Variants in PKD1L3 observed in about 807,000 individuals in gnomAD.
PKD1L3 encodes polycystin-1-like protein 3.
In PKD1L3, 239 loss-of-function variants were observed where a neutral mutation model predicts 184.1. That is an observed-to-expected ratio of 1.30 (90% CI 1.17 to 1.45). PKD1L3 has a LOEUF of 1.45. Ranked by LOEUF, PKD1L3 falls within the 40% of genes most tolerant of loss-of-function variation. The pLI is 0.00. For missense variants in PKD1L3, 2,660 were observed against 2,067.2 expected, an observed-to-expected ratio of 1.29 and a Z score of -5.56; for synonymous variants, 996 against 778.8, an observed-to-expected ratio of 1.28 and a Z score of -4.64.
At chr16:71,968,282 C>T (rs962524088) in intron 13 of PKD1L3, among the ~76,000 whole-genome samples, 1 of 151,612 alleles carries the variant, frequency 6.6e-6, no homozygotes, top group Non-Finnish European at 1.5e-5. Context: ...CACCTCCTTC[C>T]CACTTAGGTA....
intron 15 of PKD1L3, among the ~76,000 whole-genome samples, chr16:71,964,284 C>T (rs1030179399): frequency 5.2e-5 from 7 of 135,242 alleles, no homozygotes; most frequent in African/African-American, 1.9e-4. Context: ...TGTCATGAAA[C>T]CACTTAAATT....
At chr16:71,945,313 C>T (rs2038545997) in intron 22 of PKD1L3, among the ~76,000 whole-genome samples, 3 of 48,048 alleles carry the variant, frequency 6.2e-5, no homozygotes, top group Non-Finnish European at 8.4e-5. Context: ...TATACACACA[C>T]ACACACACAT....
Position 71,977,324 on chromosome 16 carries a change from C to G in PKD1L3, c.1671G>C (p.Met557Ile). 6.5e-7 allele frequency: 1 copy of G among 1,546,026 alleles called. No homozygotes were observed. The highest frequency in any genetic ancestry group is 8.8e-7 in the Non-Finnish European group (1 of 1,141,900). The change falls in exon 11 of 30, where the codon ATG becomes ATC. Residue 557 changes from methionine to isoleucine, a missense_variant. Transcript: ENST00000620267. ...VSIDPDSPLL[M>I]TLYLGFQYQP... Reference sequence around the variant, plus strand: ...GATACTGGAACCCCAGGTAGAGTGTCATTAAAAGGGGACTGTCAGGATCTA... The same window carrying G: ...GATACTGGAACCCCAGGTAGAGTGTGATTAAAAGGGGACTGTCAGGATCTA...
intron 5 of PKD1L3, among the ~76,000 whole-genome samples, chr16:71,986,002 A>G (rs948952846): frequency 2.0e-5 from 3 of 152,234 alleles, no homozygotes; most frequent in Non-Finnish European, 4.4e-5. Context: ...GAAGCATTAA[A>G]TAGAATAGCA....
intron 7 of PKD1L3, among the ~76,000 whole-genome samples, 168 bp from the exon 8 acceptor site, chr16:71,980,302 TA>T (rs931811494): frequency 1.3e-5 from 2 of 152,192 alleles, no homozygotes; most frequent in Non-Finnish European, 2.9e-5. Context: ...GCAACCTGGC[TA>T]AAGACTTAGC....
intron 15 of PKD1L3, among the ~76,000 whole-genome samples, chr16:71,966,789 G>A (rs2039517174): frequency 6.6e-6 from 1 of 152,122 alleles, no homozygotes. Context: ...GTTTACTAAA[G>A]TTAGTCTTTA....
At chr16:71,983,663 C>CTTTTTTTTTTTTTTTT (rs1180950058) in intron 6 of PKD1L3, among the ~76,000 whole-genome samples, 2 of 100,336 alleles carry the variant, frequency 2.0e-5, no homozygotes, top group African/African-American at 3.9e-5. Context: ...GATTCTCTTT[C>CTTTTTTTTTTTTTTTT]TTTTTTTTTT....
Position 71,964,849 on chromosome 16 carries a change from A to ATTT in PKD1L3, c.2466-1501_2466-1499dup, listed in dbSNP as rs35311851. Among the ~76,000 whole-genome samples the ATTT allele has an allele frequency of 4.6e-4, 63 of 137,624 alleles. 1 individual carries two copies. Among genetic ancestry groups the ATTT allele is most frequent in the African/African-American group, 1.6e-3 (60 of 36,948 alleles). 90.3% of individuals were successfully genotyped at this position (137,624 alleles called of 152,430 possible). On this transcript the variant is annotated intron_variant, in intron 15 of 29. Transcript: ENST00000620267. The stretch of plus-strand genomic sequence containing the variant: ...ATATGCTCTCTCTCTATATATATGT[A>ATTT]TTTTTTTTTTTTTTTGAGGCAGGAT...
At chr16:71,997,999 T>A (rs1162883477) in intron 2 of PKD1L3, among the ~76,000 whole-genome samples, 1 of 152,144 alleles carries the variant, frequency 6.6e-6, no homozygotes, top group African/African-American at 2.4e-5. Context: ...TGGAAAATGG[T>A]GTCACCAATA....
chr16:71,986,384 G>A lies in PKD1L3; in HGVS notation c.671C>T (p.Pro224Leu), dbSNP rs770062840. ...TSQVTSAASE[P>L]SSQPLPVITQ... Reference sequence around the variant, plus strand: ...TATCACAGGGAGAGGCTGGCTGCTGGGTTCAGATGCGGCTGATGTTACCTG... The same window carrying A: ...TATCACAGGGAGAGGCTGGCTGCTGAGTTCAGATGCGGCTGATGTTACCTG... The change falls in exon 5 of 30, where the codon CCC becomes CTC. Residue 224 changes from proline (P) to leucine (L), a missense_variant. By Grantham distance (98) the Pro-to-Leu change is moderately conservative. Transcript: ENST00000620267. 15 of 1,551,782 alleles carry A rather than the reference G, an allele frequency of 9.7e-6. No homozygotes were observed. The South Asian group carries it at 1.8e-4, about 18-fold the overall frequency.
chr16:71,935,447 G>C lies in PKD1L3; in HGVS notation c.4524C>G (p.Ile1508Met). The stretch of plus-strand genomic sequence containing the variant: ...GCCCCAGGAGGATGAAGCTAATGAG[G>C]ATTATACTTGTGTCCAGAATGTTTC... Reference protein sequence around the residue: ...GKRNILDTSIILISFILLGLD... With the variant: ...GKRNILDTSIMLISFILLGLD... The change falls in exon 26 of 30, where the codon ATC becomes ATG. Residue 1508 changes from isoleucine to methionine, a missense_variant. Ile to Met is a conservative substitution (Grantham distance 10, BLOSUM62 1). Coordinates refer to ENST00000620267, the MANE Select transcript of PKD1L3 (RefSeq NM_181536.2). 1 of 1,552,040 alleles carries C rather than the reference G, an allele frequency of 6.4e-7. No individual in the cohort carries two copies. The highest frequency in any genetic ancestry group is 8.7e-7 in the Non-Finnish European group (1 of 1,147,028).
intron 23 of PKD1L3, among the ~76,000 whole-genome samples, chr16:71,943,555 A>AC (rs1404235096): frequency 2.0e-5 from 3 of 151,666 alleles, no homozygotes; most frequent in Non-Finnish European, 4.4e-5. Context: ...AAAAAAAAAA[A>AC]AAACATAAAA....
chr16:71,934,008 C>A lies in PKD1L3; in HGVS notation c.4731G>T (p.Leu1577=). ...LWNLLRHSPR[L]RVISRTLSRA... The stretch of plus-strand genomic sequence containing the variant: ...GGCTCAGTGTCCTGCTGATGACCCG[C>A]AGCCTGGGGCTATGACGCAGCAGGT... Residue 1577 remains leucine, a synonymous_variant, in exon 27 of 30, where the codon CTG becomes CTT. Transcript: ENST00000620267. The A allele has an allele frequency of 6.4e-7, 1 of 1,551,704 alleles. No individual in the cohort carries two copies. The highest frequency in any genetic ancestry group is 8.7e-7 in the Non-Finnish European group (1 of 1,147,000).
chr16:71,986,914 A>ATTTT lies in PKD1L3; in HGVS notation c.586-449_586-446dup, dbSNP rs71153694. On this transcript the variant is annotated intron_variant, in intron 4 of 29. Transcript: ENST00000620267. ...GAGGATGTTCAGTGGTAAGGAGAGG[A>ATTTT]TTTTTTTTTTTTTTTTTTTTTTTTT... Among the ~76,000 whole-genome samples the ATTTT allele has an allele frequency of 5.5e-3, 447 of 81,358 alleles. 124 individuals carry two copies. Among genetic ancestry groups the ATTTT allele is most frequent in the African/African-American group, 0.022 (389 of 17,816 alleles). The allele number at this position is 81,358 out of a possible 152,430, so 53.4% of individuals were successfully genotyped here.
In PKD1L3 at chr16:71,969,906, G is replaced by C. The variant is rs1485758037; in HGVS notation, c.2153C>G (p.Ala718Gly). Residue 718 changes from alanine to glycine, a missense_variant, in exon 13 of 30, where the codon GCT (alanine) becomes GGT (glycine). Physicochemically the swap from Ala to Gly is moderately conservative, Grantham distance 60. Coordinates refer to ENST00000620267, the MANE Select transcript of PKD1L3 (RefSeq NM_181536.2). ...CATATCTGCTTGATCCTTTTTCCGA[G>C]CCCACACAACTGTGATCACATAAAA... ...LGFYVITVVW[A>G]RKKDQADMQK... The C allele has an allele frequency of 6.5e-7, 1 of 1,549,886 alleles. No homozygotes were observed. Among genetic ancestry groups the C allele is most frequent in the South Asian group, 1.2e-5 (1 of 83,890 alleles).
chr16:71,974,542 C>A (rs963105816), intron 11 of PKD1L3, among the ~76,000 whole-genome samples: 1 of 152,130 alleles, frequency 6.6e-6, no homozygotes, highest in Non-Finnish European at 1.5e-5. Context: ...ATTAGCCAGG[C>A]ATGGTGGCAT....
chr16:71,958,980 C>T (rs930871690), intron 16 of PKD1L3, among the ~76,000 whole-genome samples: 13 of 145,812 alleles, frequency 8.9e-5, no homozygotes, highest in Admixed American at 7.7e-4. Context: ...CCAGCTACTC[C>T]GGAGGCTGAG....
chr16:71,947,659 A>AAGG (rs2038670527), intron 21 of PKD1L3, 68 bp from the exon 22 acceptor site: 1 of 1,071,380 alleles, frequency 9.3e-7, no homozygotes, highest in Non-Finnish European at 1.4e-6. Flanking sequence ...ACCGTATGTA[A>AAGG]AGGAAGAGGT....
chr16:71,974,589 C>G (rs530571167), intron 11 of PKD1L3, among the ~76,000 whole-genome samples: 1 of 152,334 alleles, frequency 6.6e-6, no homozygotes, highest in East Asian at 1.9e-4. Flanking sequence ...GAGGCTGAGG[C>G]ATGAGAATCG....
Sources: allele counts gnomAD v4.1 joint callset (sites outside exome capture counted in the v4.1 genomes callset), GRCh38; gene constraint gnomAD v4.1.1; transcripts MANE v1.5; gene names NCBI Gene and HGNC (gene_info 2026-07-23, HGNC 2026-07-21).